Variants in GHITM observed in about 807,000 individuals in gnomAD.
GHITM encodes the protein growth hormone inducible transmembrane protein.
In GHITM, 24 loss-of-function variants were observed where a neutral mutation model predicts 38.7. That is an observed-to-expected ratio of 0.62 (90% CI 0.45 to 0.87). The LOEUF (loss-of-function observed/expected upper bound fraction) is 0.87. Among genes scored for constraint, GHITM ranks in the 40% least tolerant of loss-of-function variants. The pLI, the probability that GHITM is intolerant of heterozygous loss-of-function variation, is 0.00. For missense variants in GHITM, 420 were observed against 429.8 expected (o/e 0.98, Z 0.20); for synonymous variants, 154 against 147.8 (o/e 1.04, Z -0.30).
intron 6 of GHITM, among the ~76,000 whole-genome samples, 198 bp downstream of exon 6, chr10:84,149,036 A>G (rs1175576545): frequency 5.3e-5 from 8 of 152,232 alleles, no homozygotes; most frequent in Non-Finnish European, 1.2e-4. Flanking sequence ...GACATCTTCA[A>G]TACGAAACTT....
intron 5 of GHITM, among the ~76,000 whole-genome samples, chr10:84,147,128 G>C (rs978289020): frequency 6.6e-6 from 1 of 152,206 alleles, no homozygotes; most frequent in Non-Finnish European, 1.5e-5. Flanking sequence ...GCAGAGTTTG[G>C]AGTGAGACTG....
At chr10:84,148,871 C>T (rs774206816) in intron 6 of GHITM, 33 bp downstream of exon 6, 5 of 1,291,754 alleles carry the variant, frequency 3.9e-6, no homozygotes, top group East Asian at 2.3e-5. Context: ...ACGAGACAAC[C>T]TTGACTACCA....
At chr10:84,139,712 G>A (rs1424780746) in intron 1 of GHITM, 119 bp downstream of exon 1, 1 of 152,780 alleles carries the variant, frequency 6.5e-6, no homozygotes. Context: ...GGCTGCGTCA[G>A]GGCCGGCCTG....
Position 84,150,885 on chromosome 10 carries a change from G to GTAATGCTTTTTATTTAACACTGTTAC in GHITM, c.953+7_953+32dup, listed in dbSNP as rs1159111053. On this transcript the variant is annotated splice_donor_region_variant and intron_variant, in intron 8 of 8. Transcript: ENST00000372134. ...AAAATATGATCCCATTAACTCGTAA[G>GTAATGCTTTTTATTTAACACTGTTAC]TAATGCTTTTTATTTAACACTGTTA... 6.3e-7 allele frequency: 1 copy of GTAATGCTTTTTATTTAACACTGTTAC among 1,576,064 alleles called. No individual in the cohort carries two copies. The highest frequency in any genetic ancestry group is 8.7e-7 in the Non-Finnish European group (1 of 1,146,930).
intron 5 of GHITM, 39 bp downstream of exon 5, chr10:84,145,055 A>G: frequency 6.5e-7 from 1 of 1,528,036 alleles, no homozygotes; most frequent in East Asian, 2.3e-5. Flanking sequence ...TCATCTAAAG[A>G]TCAAAAGATT....
At position 84,148,792 on chromosome 10, in the gene GHITM, T is replaced by C. The variant is rs369313195; in HGVS notation, c.546T>C (p.Tyr182=). 104 of 1,613,246 alleles carry C rather than the reference T, an allele frequency of 6.4e-5. No individual in the cohort carries two copies. Among genetic ancestry groups the C allele is most frequent in the Non-Finnish European group, 8.1e-5 (96 of 1,179,298 alleles). Residue 182 remains tyrosine, a synonymous_variant, in exon 6 of 9, where the codon TAT becomes TAC. Transcript: ENST00000372134. ...GAATGCTGGTACGATCAATACCATA[T>C]GACCAGAGCCCAGGCCCAAAGCATC... ...GAGMLVRSIP[Y]DQSPGPKHLA...
chr10:84,145,908 CAA>C (rs1284533677), intron 5 of GHITM, among the ~76,000 whole-genome samples: 1 of 152,074 alleles, frequency 6.6e-6, no homozygotes, highest in East Asian at 1.9e-4. Context: ...TAGAAGTAGA[CAA>C]GAGGGCCAGG....
At chr10:84,144,794 C>G (rs766583831) in intron 4 of GHITM, 81 bp from the exon 5 acceptor site, 3 of 805,750 alleles carry the variant, frequency 3.7e-6, no homozygotes, top group Middle Eastern at 2.4e-4. Flanking sequence ...TGATTTATCC[C>G]GAGGTCGCCC....
intron 5 of GHITM, among the ~76,000 whole-genome samples, chr10:84,148,356 G>A (rs1221845142): frequency 1.3e-5 from 2 of 152,026 alleles, no homozygotes; most frequent in South Asian, 2.1e-4. Flanking sequence ...GCAGTGGCAC[G>A]ATCTTGCCTC....
At position 84,152,731 on chromosome 10, in the gene GHITM, T is replaced by C. The variant is rs1478825124; in HGVS notation, c.*383T>C. On this transcript the variant is annotated 3_prime_UTR_variant, in exon 9 of 9. Coordinates refer to ENST00000372134, the MANE Select transcript of GHITM (RefSeq NM_014394.3). The stretch of plus-strand genomic sequence containing the variant: ...TATTTTTTTGGAGTGCAGAATATTG[T>C]AATTAATGTCATAAGTGATTTGGAG... 2 of 162,722 alleles carry C rather than the reference T, an allele frequency of 1.2e-5. No homozygotes were observed. Among genetic ancestry groups the C allele is most frequent in the Non-Finnish European group, 2.7e-5 (2 of 74,932 alleles). 10.1% of individuals were successfully genotyped at this position (162,722 alleles called of 1,614,324 possible). A position where few individuals can be genotyped will look rare whatever the true frequency, so the allele number is the denominator to read the frequency against.
intron 5 of GHITM, among the ~76,000 whole-genome samples, chr10:84,145,903 G>C (rs1841552324): frequency 6.6e-6 from 1 of 152,136 alleles, no homozygotes; most frequent in African/African-American, 2.4e-5. Flanking sequence ...TATTTTAGAA[G>C]TAGACAAGAG....
chr10:84,151,061 A>G (rs1841607534), intron 8 of GHITM, among the ~76,000 whole-genome samples, 181 bp downstream of exon 8: 1 of 152,202 alleles, frequency 6.6e-6, no homozygotes. Context: ...AGAAATCTAA[A>G]ATCAAGGTGT....
chr10:84,142,425 T>C (rs1168670250), intron 2 of GHITM, among the ~76,000 whole-genome samples: 4 of 152,222 alleles, frequency 2.6e-5, no homozygotes, highest in Admixed American at 2.6e-4. Flanking sequence ...AATAATATAA[T>C]GAATTACTAA....
At chr10:84,144,572 T>C (rs1841539506) in intron 4 of GHITM, among the ~76,000 whole-genome samples, 1 of 152,168 alleles carries the variant, frequency 6.6e-6, no homozygotes, top group Non-Finnish European at 1.5e-5. Context: ...CAGGCTGGTC[T>C]CGATCTCCTG....
At position 84,148,733 on chromosome 10, in the gene GHITM, A is replaced by G. The variant is rs371979234; in HGVS notation, c.487A>G (p.Ile163Val). Residue 163 changes from isoleucine (I) to valine (V), a missense_variant, in exon 6 of 9, where the codon ATT (isoleucine) becomes GTT (valine). By Grantham distance (29) the Ile-to-Val change is conservative (BLOSUM62 3). Transcript: ENST00000372134. ...CTTAATAGTACTTGTCTTTCAGACAATTGGTGTGACCTTTGCAGCCATGGT... is the reference window on the plus strand; with the variant it reads ...CTTAATAGTACTTGTCTTTCAGACAGTTGGTGTGACCTTTGCAGCCATGGT... Reference protein sequence around the residue: ...NFMMRGSWVTIGVTFAAMVGA... With the variant: ...NFMMRGSWVTVGVTFAAMVGA... The G allele has an allele frequency of 4.2e-5, 67 of 1,604,174 alleles. No individual in the cohort carries two copies. In the African/African-American group the frequency reaches 6.0e-4, roughly 14 times the overall value.
chr10:84,149,648 CATT>C (rs1282987524), intron 6 of GHITM, among the ~76,000 whole-genome samples: 1 of 152,206 alleles, frequency 6.6e-6, no homozygotes, highest in African/African-American at 2.4e-5. Context: ...GAAGTTCCCA[CATT>C]TTAAGTTTAT....
rs773589340 is a variant in GHITM at position 84,148,779 on chromosome 10, G to A, written c.533G>A (p.Arg178Gln). 1.1e-5 allele frequency: 18 copies of A among 1,613,346 alleles called. No individual in the cohort carries two copies. The highest frequency in any genetic ancestry group is 1.6e-4 in the Middle Eastern group (1 of 6,084). ...AAMVGAGMLV[R>Q]SIPYDQSPGP... is the part of the protein sequence containing the mutation. Reference sequence around the variant, plus strand: ...ATGGTTGGAGCTGGAATGCTGGTACGATCAATACCATATGACCAGAGCCCA... The same window carrying A: ...ATGGTTGGAGCTGGAATGCTGGTACAATCAATACCATATGACCAGAGCCCA... Residue 178 changes from arginine to glutamine, a missense_variant, in exon 6 of 9, where the codon CGA (arginine) becomes CAA (glutamine). By Grantham distance (43) the Arg-to-Gln change is conservative (BLOSUM62 1). Transcript: ENST00000372134.
intron 7 of GHITM, 127 bp from the exon 8 acceptor site, chr10:84,150,582 T>C (rs1841601475): frequency 1.2e-5 from 8 of 678,286 alleles, no homozygotes; most frequent in Middle Eastern, 4.1e-4. Flanking sequence ...AGACAGTACA[T>C]GTACCCAGAT....
In GHITM at chr10:84,148,789, A is replaced by G. The variant is rs751229683; in HGVS notation, c.543A>G (p.Pro181=). The G allele has an allele frequency of 1.9e-6, 3 of 1,613,414 alleles. No homozygotes were observed. Among genetic ancestry groups the G allele is most frequent in the South Asian group, 1.1e-5 (1 of 91,066 alleles). The stretch of plus-strand genomic sequence containing the variant: ...CTGGAATGCTGGTACGATCAATACC[A>G]TATGACCAGAGCCCAGGCCCAAAGC... ...VGAGMLVRSI[P]YDQSPGPKHL... The change falls in exon 6 of 9, where the codon CCA becomes CCG. Residue 181 remains proline, a synonymous_variant. Transcript: ENST00000372134.
Sources: allele counts gnomAD v4.1 joint callset (sites outside exome capture counted in the v4.1 genomes callset), GRCh38; gene constraint gnomAD v4.1.1; transcripts MANE v1.5; gene names NCBI Gene and HGNC (gene_info 2026-07-23, HGNC 2026-07-21).